Variants in CNTN4 observed in about 807,000 individuals in gnomAD.
CNTN4 encodes contactin-4.
A neutral mutation model predicts 122.5 loss-of-function variants in CNTN4; 77 were observed. The ratio of observed to expected loss-of-function variants is 0.63; its 90% CI spans 0.52 to 0.76. The LOEUF is 0.76. Among genes scored for constraint, CNTN4 ranks in the 30% least tolerant of loss-of-function variants. The pLI, the probability that CNTN4 is intolerant of heterozygous loss-of-function variation, is 0.00. For missense variants in CNTN4, 1,256 were observed against 1,259.1 expected, an observed-to-expected ratio of 1.00 and a Z score of 0.04; for synonymous variants, 512 against 447.0, an observed-to-expected ratio of 1.15 and a Z score of -1.83.
chr3:2,586,446 C>G (rs966386841), intron 4 of CNTN4, among the ~76,000 whole-genome samples: 2 of 152,214 alleles, frequency 1.3e-5, no homozygotes, highest in Non-Finnish European at 1.5e-5. Flanking sequence ...GCACCCACCA[C>G]CACACCTGGC....
chr3:2,926,069 C>T (rs1420549136), intron 13 of CNTN4, among the ~76,000 whole-genome samples: 2 of 152,196 alleles, frequency 1.3e-5, no homozygotes, highest in Admixed American at 6.5e-5. Context: ...TTAATTTAAG[C>T]CTGAAATTTT....
chr3:3,042,345 A>G lies in CNTN4; in HGVS notation c.2434A>G (p.Ser812Gly), dbSNP rs1346248335. 6.2e-7 allele frequency: 1 copy of G among 1,614,178 alleles called. No homozygotes were observed. The highest frequency in any genetic ancestry group is 8.5e-7 in the Non-Finnish European group (1 of 1,180,000). Reference protein sequence around the residue: ...TKPPASIFARSLSATDIEVFW... With the variant: ...TKPPASIFARGLSATDIEVFW... ...ACCACCAGCCAGTATCTTTGCCAGA[A>G]GTCTTTCTGCCACAGATATTGAAGT... The change falls in exon 21 of 25, where the codon AGT becomes GGT. Residue 812 changes from serine to glycine, a missense_variant. Ser to Gly is a moderately conservative substitution (Grantham distance 56). Transcript: ENST00000418658.
rs9828570 is a variant in CNTN4 at position 2,945,901 on chromosome 3, T to G, written c.1358+20122T>G. 2.2e-4 allele frequency among the ~76,000 whole-genome samples: 33 copies of G among 152,236 alleles called. 1 individual carries two copies. Among genetic ancestry groups the G allele is most frequent in the African/African-American group, 7.9e-4 (33 of 41,534 alleles). On this transcript the variant is annotated intron_variant, in intron 13 of 24. Coordinates refer to ENST00000418658, the MANE Select transcript of CNTN4 (RefSeq NM_175607.3). The stretch of plus-strand genomic sequence containing the variant: ...AATATAGTTATGCATTCAAATTCAT[T>G]TGGAATTTTTCAAAAGTGAGATAGA...
chr3:2,846,685 A>G (rs2093462147), intron 7 of CNTN4, among the ~76,000 whole-genome samples: 1 of 152,194 alleles, frequency 6.6e-6, no homozygotes, highest in African/African-American at 2.4e-5. Flanking sequence ...GTTGAGTTGT[A>G]CACTGCCAAG....
intron 4 of CNTN4, among the ~76,000 whole-genome samples, chr3:2,711,699 G>A (rs2087161741): frequency 6.6e-6 from 1 of 152,124 alleles, no homozygotes; most frequent in Admixed American, 6.6e-5. Context: ...TATAAGCAAG[G>A]AGACTTGTCT....
At chr3:2,671,183 G>C (rs1183640098) in intron 4 of CNTN4, among the ~76,000 whole-genome samples, 1 of 152,182 alleles carries the variant, frequency 6.6e-6, no homozygotes, top group Non-Finnish European at 1.5e-5. Context: ...CCTGCAGAGT[G>C]TTTTCCAACT....
intron 4 of CNTN4, among the ~76,000 whole-genome samples, chr3:2,671,975 A>G (rs1265137242): frequency 6.6e-6 from 1 of 152,128 alleles, no homozygotes; most frequent in Non-Finnish European, 1.5e-5. Flanking sequence ...TTCCTTTGGA[A>G]GTTTTGTCTC....
chr3:2,762,995 G>T (rs2090662752), intron 6 of CNTN4, among the ~76,000 whole-genome samples: 1 of 145,852 alleles, frequency 6.9e-6, no homozygotes, highest in Non-Finnish European at 1.5e-5. Context: ...AGGCTGGAGT[G>T]CAGTGGCTCG....
chr3:2,622,209 T>C (rs2082016951), intron 4 of CNTN4, among the ~76,000 whole-genome samples: 1 of 152,204 alleles, frequency 6.6e-6, no homozygotes, highest in Admixed American at 6.5e-5. Flanking sequence ...ATTTAATATT[T>C]ATTACCTTTT....
At chr3:2,187,109 G>A (rs539177526) in intron 2 of CNTN4, among the ~76,000 whole-genome samples, 12 of 152,248 alleles carry the variant, frequency 7.9e-5, no homozygotes, top group East Asian at 7.7e-4. Context: ...TTTGTATAAG[G>A]TGTAAGGAAG....
chr3:2,152,715 AG>A (rs1429254533), intron 2 of CNTN4, among the ~76,000 whole-genome samples: 1 of 152,216 alleles, frequency 6.6e-6, no homozygotes, highest in Non-Finnish European at 1.5e-5. Context: ...CACCGTTCCC[AG>A]GGCGTAGTTC....
chr3:2,794,810 T>C (rs1425059571), intron 6 of CNTN4, among the ~76,000 whole-genome samples: 2 of 152,226 alleles, frequency 1.3e-5, no homozygotes, highest in East Asian at 3.8e-4. Flanking sequence ...AATTCCTGGT[T>C]AGGGCCTACT....
chr3:2,942,763 G>T (rs545991777), intron 13 of CNTN4, among the ~76,000 whole-genome samples: 2 of 152,290 alleles, frequency 1.3e-5, no homozygotes, highest in East Asian at 1.9e-4. Context: ...TAAACATTTT[G>T]TATTGCAGAC....
intron 3 of CNTN4, among the ~76,000 whole-genome samples, chr3:2,469,143 A>G (rs746765860): frequency 1.3e-5 from 2 of 152,234 alleles, no homozygotes; most frequent in African/African-American, 4.8e-5. Context: ...ATAATTTTGC[A>G]CAAACCAAGA....
intron 4 of CNTN4, among the ~76,000 whole-genome samples, chr3:2,707,965 C>A (rs1414723159): frequency 6.6e-6 from 1 of 152,154 alleles, no homozygotes; most frequent in Non-Finnish European, 1.5e-5. Context: ...GTTACTATTA[C>A]TTCCCATAAG....
At chr3:2,345,752 G>C (rs1016853947) in intron 3 of CNTN4, among the ~76,000 whole-genome samples, 1 of 152,172 alleles carries the variant, frequency 6.6e-6, no homozygotes, top group Non-Finnish European at 1.5e-5. Flanking sequence ...TCGAGAAGCA[G>C]AGCTTATAGT....
At chr3:2,227,274 G>T (rs2039322144) in intron 2 of CNTN4, among the ~76,000 whole-genome samples, 1 of 152,096 alleles carries the variant, frequency 6.6e-6, no homozygotes, top group African/African-American at 2.4e-5. Flanking sequence ...AGATAAGTTG[G>T]TAGATGATAA....
chr3:2,545,677 C>T (rs772639228), intron 3 of CNTN4, among the ~76,000 whole-genome samples: 5 of 151,240 alleles, frequency 3.3e-5, no homozygotes, highest in Non-Finnish European at 5.9e-5. Flanking sequence ...TCTGAAATCA[C>T]GATAGCAACT....
intron 6 of CNTN4, among the ~76,000 whole-genome samples, chr3:2,804,737 C>CTTTAGTTTTTTTTTTT (rs1553643947): frequency 4.8e-5 from 7 of 144,876 alleles, no homozygotes; most frequent in Admixed American, 1.4e-4. Context: ...ATTTTGAGCA[C>CTTTAGTTTTTTTTTTT]TTTTTTTTTG....
Sources: allele counts gnomAD v4.1 joint callset (sites outside exome capture counted in the v4.1 genomes callset), GRCh38; gene constraint gnomAD v4.1.1; transcripts MANE v1.5; gene names NCBI Gene and HGNC (gene_info 2026-07-23, HGNC 2026-07-21).